Variants in UTS2 observed in about 807,000 individuals in gnomAD.
UTS2 encodes urotensin 2.
In UTS2, 10 loss-of-function variants were observed where a neutral mutation model predicts 12.6. The ratio of observed to expected loss-of-function variants is 0.80; its 90% CI spans 0.49 to 1.35. The LOEUF is 1.35. Ranked by LOEUF, UTS2 falls within the 40% of genes most tolerant of loss-of-function variation. The pLI is 0.00. For synonymous variants in UTS2, 52 were observed against 50.0 expected (o/e 1.04, Z -0.17); for missense variants, 142 against 143.2 (o/e 0.99, Z 0.04).
chr1:7,880,931 A>G, the UTS2 span, among the ~76,000 whole-genome samples: 1 of 152,224 alleles, frequency 6.6e-6, no homozygotes, highest in African/African-American at 2.4e-5. Flanking sequence ...CCAACAGCAC[A>G]TCAAAAAGAT....
intron 3 of UTS2, among the ~76,000 whole-genome samples, chr1:7,849,238 A>G (rs1026138738): frequency 6.6e-5 from 10 of 151,990 alleles, no homozygotes; most frequent in African/African-American, 1.2e-4. Context: ...TTTTGAGATG[A>G]AGTCTCATTC....
the UTS2 span, among the ~76,000 whole-genome samples, chr1:7,909,836 G>A: frequency 1.3e-5 from 2 of 151,970 alleles, no homozygotes. Flanking sequence ...TGGCCAGGCT[G>A]GTCTCAAACT....
At chr1:7,876,892 G>A in the UTS2 span, among the ~76,000 whole-genome samples, 1 of 152,078 alleles carries the variant, frequency 6.6e-6, no homozygotes, top group African/African-American at 2.4e-5. Flanking sequence ...AGCACTTTGG[G>A]AGACCGAGGC....
At chr1:7,883,026 A>G in the UTS2 span, among the ~76,000 whole-genome samples, 2 of 152,140 alleles carry the variant, frequency 1.3e-5, no homozygotes, top group African/African-American at 4.8e-5. Flanking sequence ...AAAACTGAAA[A>G]ACTGGGTATT....
the UTS2 span, among the ~76,000 whole-genome samples, chr1:7,909,292 C>T: frequency 8.6e-5 from 13 of 151,990 alleles, no homozygotes; most frequent in Non-Finnish European, 1.8e-4. Context: ...CGCCTGTAAT[C>T]CCAGCACTTT....
intron 1 of UTS2, 32 bp from the exon 2 acceptor site, chr1:7,850,954 G>C: frequency 5.0e-6 from 8 of 1,605,424 alleles, no homozygotes; most frequent in Non-Finnish European, 6.8e-6. Flanking sequence ...TTAGAATTGG[G>C]TTCATCCTTC....
the UTS2 span, among the ~76,000 whole-genome samples, chr1:7,896,501 G>T: frequency 2.0e-5 from 3 of 152,166 alleles, no homozygotes; most frequent in South Asian, 6.2e-4. Flanking sequence ...AGTGGAAAAT[G>T]AAATGTTCCT....
the UTS2 span, among the ~76,000 whole-genome samples, chr1:7,866,071 T>C: frequency 6.6e-6 from 1 of 152,124 alleles, no homozygotes; most frequent in African/African-American, 2.4e-5. The surrounding 1 kb of genome is among the most constrained non-coding windows in gnomAD (Gnocchi z 4.5). Flanking sequence ...ACAGGCACCG[T>C]GGAAAGGGCT....
chr1:7,848,373 A>G (rs1333329382), intron 3 of UTS2, among the ~76,000 whole-genome samples: 2 of 152,036 alleles, frequency 1.3e-5, no homozygotes, highest in African/African-American at 4.8e-5. Context: ...TGGGAGGTGG[A>G]TGTTGCAGTG....
chr1:7,849,668 A>G lies in UTS2; in HGVS notation c.230T>C (p.Ile77Thr). Reference sequence around the variant, plus strand: ...TCTCAAATTTCCTCTTGGGTTAAAAATGTTGGTACTTGAGTCTGAAAAACA... The same window carrying G: ...TCTCAAATTTCCTCTTGGGTTAAAAGTGTTGGTACTTGAGTCTGAAAAACA... ...ILRKADSSTN[I>T]FNPRGNLRKF... The change falls in exon 3 of 4, where the codon ATT becomes ACT. Residue 77 changes from isoleucine to threonine, a missense_variant. Ile to Thr is a moderately conservative substitution (Grantham distance 89). Coordinates refer to ENST00000361696, the MANE Select transcript of UTS2 (RefSeq NM_006786.4). 6.2e-7 allele frequency: 1 copy of G among 1,610,612 alleles called. No homozygotes were observed. The highest frequency in any genetic ancestry group is 8.5e-7 in the Non-Finnish European group (1 of 1,179,302).
chr1:7,864,984 T>G, the UTS2 span, among the ~76,000 whole-genome samples: 1 of 82,452 alleles, frequency 1.2e-5, no homozygotes, highest in African/African-American at 3.3e-5. Context: ...TGTGTCTGTC[T>G]GTCTGATACC....
the UTS2 span, among the ~76,000 whole-genome samples, chr1:7,877,205 A>G: frequency 2.6e-5 from 4 of 151,906 alleles, no homozygotes; most frequent in African/African-American, 7.2e-5. Context: ...TGACACTTCT[A>G]CTTCCAAAGG....
the UTS2 span, among the ~76,000 whole-genome samples, chr1:7,883,900 C>T: frequency 2.6e-5 from 4 of 151,960 alleles, no homozygotes; most frequent in Admixed American, 2.6e-4. Context: ...CTGCAACCTC[C>T]ACCACCCCGG....
At chr1:7,910,171 T>C in the UTS2 span, among the ~76,000 whole-genome samples, 1 of 152,124 alleles carries the variant, frequency 6.6e-6, no homozygotes, top group Non-Finnish European at 1.5e-5. Flanking sequence ...CCGCAAAGGC[T>C]ACCATGAAAC....
the UTS2 span, among the ~76,000 whole-genome samples, chr1:7,907,721 A>AT: frequency 1.4e-3 from 212 of 152,164 alleles, no homozygotes; most frequent in African/African-American, 4.9e-3. Flanking sequence ...TATGTCAGAG[A>AT]TTTTTTGTTT....
chr1:7,858,841 C>T, the UTS2 span, among the ~76,000 whole-genome samples: 2 of 152,164 alleles, frequency 1.3e-5, 1 homozygote, highest in South Asian at 4.1e-4. Context: ...GCCTCAGCCT[C>T]CTATAGTGAT....
At chr1:7,855,333 C>T (rs1463428295), upstream of UTS2, among the ~76,000 whole-genome samples, 2 of 152,176 alleles carry the variant, frequency 1.3e-5, no homozygotes, top group African/African-American at 2.4e-5. Context: ...CCTATAATCC[C>T]AGCATTTTGG....
At chr1:7,849,491 A>C in intron 3 of UTS2, 149 bp downstream of exon 3, 2 of 675,892 alleles carry the variant, frequency 3.0e-6, no homozygotes, top group Non-Finnish European at 4.8e-6. Context: ...GATCACAGGC[A>C]TGAGCTACCG....
chr1:7,874,294 A>G, the UTS2 span, among the ~76,000 whole-genome samples: 1 of 152,162 alleles, frequency 6.6e-6, no homozygotes, highest in East Asian at 1.9e-4. Flanking sequence ...AGCCGCCTGC[A>G]TTGTTCCAAA....
Sources: gnomAD v4.1 joint callset for allele counts (sites outside exome capture counted in the v4.1 genomes callset) on GRCh38, gnomAD v4.1.1 for gene constraint, Gnocchi (gnomAD v3.1) non-coding constraint, MANE v1.5 for transcripts, NCBI Gene and HGNC (gene_info 2026-07-23, HGNC 2026-07-21) for gene names.